ERFE: variants seen among roughly 807,000 people sequenced by gnomAD.
ERFE encodes complement C1q tumor necrosis factor-related protein 15.
ERFE carries 25 observed loss-of-function variants against 26.6 expected under a neutral mutation model. That is an observed-to-expected ratio of 0.94 (90% CI 0.69 to 1.31). The LOEUF (loss-of-function observed/expected upper bound fraction) is 1.31. Ranked by LOEUF, ERFE falls within the 40% of genes most tolerant of loss-of-function variation. The pLI, the probability that ERFE is intolerant of heterozygous loss-of-function variation, is 0.00. For synonymous variants in ERFE, 206 were observed against 204.5 expected (o/e 1.01, Z -0.06); for missense variants, 447 against 440.2 (o/e 1.02, Z -0.14).
chr2:238,163,563 C>A, intron 3 of ERFE, 174 bp from the exon 4 acceptor site: 2 of 776,190 alleles, frequency 2.6e-6, no homozygotes, highest in African/African-American at 1.8e-5. Context: ...GGAGCCGCTG[C>A]AGGGTCAGGA....
chr2:238,167,075 C>A lies in ERFE; in HGVS notation c.*21C>A. 6.5e-7 allele frequency: 1 copy of A among 1,544,108 alleles called. No homozygotes were observed. Among genetic ancestry groups the A allele is most frequent in the Non-Finnish European group, 8.8e-7 (1 of 1,141,880 alleles). ...TGTGAGCGGCCACCACAGGCCCTTC[C>A]TCTCAGGGGCAAATGGAGCACAGAT... On this transcript the variant is annotated 3_prime_UTR_variant, in exon 8 of 8. Coordinates refer to ENST00000546354, the MANE Select transcript of ERFE (RefSeq NM_001291832.2).
At chr2:238,164,420 G>A in intron 6 of ERFE, 60 bp downstream of exon 6, 1 of 1,503,082 alleles carries the variant, frequency 6.7e-7, no homozygotes, top group Non-Finnish European at 9.0e-7. Context: ...CAAGCTGGAG[G>A]TGGTTAAACA....
rs1692897148 is a variant in ERFE at position 238,159,076 on chromosome 2, CG to C, written c.70del (p.Ala24ProfsTer83). ...TCTACGCGGGCCTGCTGGCCGCCGC[CG>C]CCGCGGGCCTGGGGTCCCCGGAGCC... Reference protein sequence around the residue: ...LVYAGLLAAAAAGLGSPEPGA... With the variant: ...LVYAGLLAAAXAGLGSPEPGA... On this transcript the variant is annotated frameshift_variant, in exon 1 of 8. Coordinates refer to ENST00000546354, the MANE Select transcript of ERFE (RefSeq NM_001291832.2). LOFTEE classifies it high-confidence loss of function. 4.4e-6 allele frequency: 1 copy of C among 226,048 alleles called. No individual in the cohort carries two copies. The highest frequency in any genetic ancestry group is 8.4e-6 in the Non-Finnish European group (1 of 118,800). The allele number at this position is 226,048 out of a possible 1,614,324, so 14.0% of individuals were successfully genotyped here.
Position 238,164,119 on chromosome 2 carries a change from G to C in ERFE, c.732G>C (p.Leu244Phe). Residue 244 changes from leucine (L) to phenylalanine (F), a missense_variant, in exon 5 of 8, where the codon TTG (leucine) becomes TTC (phenylalanine). Physicochemically the swap from Leu to Phe is conservative, Grantham distance 22. Coordinates refer to ENST00000546354, the MANE Select transcript of ERFE (RefSeq NM_001291832.2). ...TCCGCCGCGGCCCGGGCCTGAACTTGACCAGCGGCCAGTACAGGGCGCCCG... is the reference window on the plus strand; with the variant it reads ...TCCGCCGCGGCCCGGGCCTGAACTTCACCAGCGGCCAGTACAGGGCGCCCG... ...GAFRRGPGLN[L>F]TSGQYRAPVA... 6.9e-7 allele frequency: 1 copy of C among 1,455,028 alleles called. No homozygotes were observed. Among genetic ancestry groups the C allele is most frequent in the Non-Finnish European group, 9.0e-7 (1 of 1,107,726 alleles). The allele number at this position is 1,455,028 out of a possible 1,614,324, so 90.1% of individuals were successfully genotyped here. A position where few individuals can be genotyped will look rare whatever the true frequency, so the allele number is the denominator to read the frequency against.
chr2:238,163,544 A>T, intron 3 of ERFE, 193 bp from the exon 4 acceptor site: 1 of 645,030 alleles, frequency 1.6e-6, no homozygotes, highest in Non-Finnish European at 2.2e-6. Context: ...CCAAATCTTG[A>T]GGGAAACGGG....
intron 3 of ERFE, 65 bp downstream of exon 3, chr2:238,162,903 G>A (rs1046907955): frequency 1.2e-5 from 16 of 1,355,158 alleles, no homozygotes; most frequent in Non-Finnish European, 1.5e-5. Flanking sequence ...AGGGTGTCCC[G>A]AGGAGCTGAC....
rs993428559 is a variant in ERFE at position 238,168,693 on chromosome 2, C to T, written c.*1639C>T. On this transcript the variant is annotated 3_prime_UTR_variant, in exon 8 of 8. Transcript: ENST00000546354. ...TACTGGGCTGGCCTGGGTACTGCAT[C>T]CGTGTGTTTTGATAAGGGGGTGATG... is the stretch of plus-strand genomic sequence containing the variant. 1 of 315,676 alleles carries T rather than the reference C, an allele frequency of 3.2e-6. No homozygotes were observed. Among genetic ancestry groups the T allele is most frequent in the African/African-American group, 2.2e-5 (1 of 46,036 alleles). The allele number at this position is 315,676 out of a possible 1,614,324, so 19.6% of individuals were successfully genotyped here. A position where few individuals can be genotyped will look rare whatever the true frequency, so the allele number is the denominator to read the frequency against.
In ERFE at chr2:238,163,757, C is replaced by T. The variant is rs992325476; in HGVS notation, c.445C>T (p.Arg149Cys). The change falls in exon 4 of 8, where the codon CGC becomes TGC. Residue 149 changes from arginine to cysteine, a missense_variant. Transcript: ENST00000546354. ...GCCAGGTGCGGTGCGGCAGCGGGAG[C>T]GCGCGGAGCCCGAACCCTGTACGTG... is the stretch of plus-strand genomic sequence containing the variant. Reference protein sequence around the residue: ...LLKGAVRQRERAEPEPCTCGP... With the variant: ...LLKGAVRQRECAEPEPCTCGP... 6 of 1,349,702 alleles carry T rather than the reference C, an allele frequency of 4.4e-6. No homozygotes were observed. Among genetic ancestry groups the T allele is most frequent in the South Asian group, 3.7e-5 (2 of 53,980 alleles). The allele number at this position is 1,349,702 out of a possible 1,614,324, so 83.6% of individuals were successfully genotyped here.
In ERFE at chr2:238,164,024, G is replaced by A. The variant is rs761421449; in HGVS notation, c.687+25G>A. ...GGTGAGTGCCGGCGCGCGGGAGGGC[G>A]GGTGAGTCCGGCCGGGCGGGAGCCG... is the stretch of plus-strand genomic sequence containing the variant. On this transcript the variant is annotated intron_variant, in intron 4 of 7. Coordinates refer to ENST00000546354, the MANE Select transcript of ERFE (RefSeq NM_001291832.2). 1.2e-5 allele frequency: 16 copies of A among 1,374,274 alleles called. No homozygotes were observed. The African/African-American group carries it at 1.5e-4, about 13-fold the overall frequency. 85.1% of individuals were successfully genotyped at this position (1,374,274 alleles called of 1,614,324 possible).
intron 1 of ERFE, among the ~76,000 whole-genome samples, chr2:238,159,608 A>T (rs1692908214): frequency 6.6e-6 from 1 of 152,218 alleles, no homozygotes; most frequent in South Asian, 2.1e-4. Context: ...GAAAACAAAA[A>T]GTGTTTTCCT....
chr2:238,165,582 A>C (rs780043649), intron 6 of ERFE, 24 bp from the exon 7 acceptor site: 1 of 1,533,722 alleles, frequency 6.5e-7, no homozygotes, highest in South Asian at 1.2e-5. Flanking sequence ...GGGCAGGCTG[A>C]CCCTCCCTCT....
chr2:238,161,452 G>A, intron 1 of ERFE, 142 bp from the exon 2 acceptor site: 1 of 1,108,906 alleles, frequency 9.0e-7, no homozygotes, highest in Non-Finnish European at 1.2e-6. Flanking sequence ...CCCTTTGGGA[G>A]CTGCCTTTGA....
Position 238,163,998 on chromosome 2 carries a change from TGGTGAGTGCCGGCGCGCGGGAGGGCG to T in ERFE, c.687+7_687+32del, listed in dbSNP as rs1396474808. ...CTGCACGAGCTTGGCGTCTACTACC[TGGTGAGTGCCGGCGCGCGGGAGGGCG>T]GGTGAGTCCGGCCGGGCGGGAGCCG... is the stretch of plus-strand genomic sequence containing the variant. On this transcript the variant is annotated splice_donor_variant and splice_donor_5th_base_variant and coding_sequence_variant and intron_variant, in exon 4 of 8. Coordinates refer to ENST00000546354, the MANE Select transcript of ERFE (RefSeq NM_001291832.2). LOFTEE classifies it high-confidence loss of function. 1.4e-5 allele frequency: 20 copies of T among 1,382,182 alleles called. No individual in the cohort carries two copies. Among genetic ancestry groups the T allele is most frequent in the Non-Finnish European group, 1.8e-5 (19 of 1,075,168 alleles). The allele number at this position is 1,382,182 out of a possible 1,614,324, so 85.6% of individuals were successfully genotyped here.
chr2:238,167,050 T>G lies in ERFE; in HGVS notation c.1061T>G (p.Val354Gly). The change falls in exon 8 of 8, where the codon GTG becomes GGG. Residue 354 changes from valine (V) to glycine (G), a missense_variant. Physicochemically the swap from Val to Gly is moderately radical, Grantham distance 109. Coordinates refer to ENST00000546354, the MANE Select transcript of ERFE (RefSeq NM_001291832.2). The stretch of plus-strand genomic sequence containing the variant: ...CACTTCAGTGCTGTCCTCCTGGGCG[T>G]GTGAGCGGCCACCACAGGCCCTTCC... Reference protein sequence around the residue: ...GSHFSAVLLGV With the variant: ...GSHFSAVLLGG The G allele has an allele frequency of 1.9e-6, 3 of 1,550,232 alleles. No homozygotes were observed.
chr2:238,162,701 C>A, intron 2 of ERFE, 35 bp from the exon 3 acceptor site: 1 of 1,355,410 alleles, frequency 7.4e-7, no homozygotes, highest in South Asian at 1.2e-5. Context: ...CCAGCCTGCT[C>A]CTCACATGTC....
chr2:238,161,777 C>T, intron 2 of ERFE, 61 bp downstream of exon 2: 2 of 1,490,246 alleles, frequency 1.3e-6, no homozygotes, highest in Non-Finnish European at 9.0e-7. Flanking sequence ...GCTCCTCATC[C>T]ACTCCCACTC....
chr2:238,162,537 C>T (rs745603536), intron 2 of ERFE, among the ~76,000 whole-genome samples, 199 bp from the exon 3 acceptor site: 3 of 152,272 alleles, frequency 2.0e-5, no homozygotes, highest in Non-Finnish European at 2.9e-5. Context: ...GCCAAAGCCC[C>T]GCCCCGAGGG....
chr2:238,161,488 G>T (rs1354121122), intron 1 of ERFE, 106 bp from the exon 2 acceptor site: 28 of 1,344,214 alleles, frequency 2.1e-5, no homozygotes, highest in Middle Eastern at 2.8e-4. Flanking sequence ...CAAGGACCAG[G>T]GTCCCAGAGT....
intron 7 of ERFE, among the ~76,000 whole-genome samples, chr2:238,165,907 C>T (rs1040162680): frequency 6.6e-6 from 1 of 152,200 alleles, no homozygotes; most frequent in Non-Finnish European, 1.5e-5. Context: ...AGCCCTTCCC[C>T]GAGGGCACCT....
Sources: allele counts gnomAD v4.1 joint callset (sites outside exome capture counted in the v4.1 genomes callset), GRCh38; gene constraint gnomAD v4.1.1; transcripts MANE v1.5; gene names NCBI Gene and HGNC (gene_info 2026-07-23, HGNC 2026-07-21).